The following ADGRV1 variants were observed in gnomAD, a reference collection of about 807,000 sequenced individuals.
The protein encoded by ADGRV1 is adhesion G protein-coupled receptor V1.
Under a neutral mutation model 596.2 loss-of-function variants are expected in ADGRV1, and 359 were observed. The observed-to-expected ratio is 0.60, with a 90% CI of 0.55 to 0.66. The LOEUF (loss-of-function observed/expected upper bound fraction) is 0.66. Ranked by LOEUF, ADGRV1 falls within the 30% of genes least tolerant of loss-of-function variation. ADGRV1 has a pLI of 0.00. For missense variants in ADGRV1, 7,274 were observed against 7,575.6 expected, an observed-to-expected ratio of 0.96 and a Z score of 1.48; for synonymous variants, 2,681 against 2,679.2, an observed-to-expected ratio of 1.00 and a Z score of -0.02.
intron 58 of ADGRV1, chr5:90,762,998 G>C (rs186409805): frequency 2.5e-5 from 5 of 200,614 alleles, no homozygotes; most frequent in African/African-American, 1.2e-4. Flanking sequence ...GAGGATGTGG[G>C]GTCTTGTGTG....
intron 59 of ADGRV1, among the ~76,000 whole-genome samples, chr5:90,767,188 A>G (rs1757235314): frequency 6.6e-6 from 1 of 152,222 alleles, no homozygotes; most frequent in Non-Finnish European, 1.5e-5. Flanking sequence ...AGTTAAAGTA[A>G]ATAAGGCAGT....
chr5:90,807,913 A>G (rs894360430), intron 73 of ADGRV1, among the ~76,000 whole-genome samples, 176 bp downstream of exon 73: 2 of 152,190 alleles, frequency 1.3e-5, no homozygotes, highest in Non-Finnish European at 2.9e-5. Context: ...TAGGAGCCCC[A>G]CCACCCACTG....
At chr5:90,784,126 A>T (rs1463499312) in intron 67 of ADGRV1, 69 bp downstream of exon 67, 5 of 958,620 alleles carry the variant, frequency 5.2e-6, no homozygotes, top group Non-Finnish European at 7.7e-6. Context: ...GTGTTTTCTC[A>T]TTGCCCAAGT....
intron 86 of ADGRV1, among the ~76,000 whole-genome samples, chr5:91,083,257 G>A (rs1342750987): frequency 1.3e-5 from 2 of 151,650 alleles, no homozygotes; most frequent in Admixed American, 1.3e-4. Context: ...AGGGGGGATG[G>A]GGGAGGGATA....
intron 59 of ADGRV1, among the ~76,000 whole-genome samples, chr5:90,767,446 T>C (rs1336613498): frequency 6.6e-6 from 1 of 152,050 alleles, no homozygotes; most frequent in Non-Finnish European, 1.5e-5. Context: ...AAGGAAATAA[T>C]TATTAAAAGA....
chr5:90,911,051 A>T (rs1042064611), intron 83 of ADGRV1, among the ~76,000 whole-genome samples: 1 of 152,218 alleles, frequency 6.6e-6, no homozygotes, highest in Non-Finnish European at 1.5e-5. Flanking sequence ...CTTATTTAAT[A>T]TTAAAAAACA....
intron 87 of ADGRV1, among the ~76,000 whole-genome samples, chr5:91,134,400 G>A (rs763988685): frequency 6.6e-6 from 1 of 152,058 alleles, no homozygotes; most frequent in African/African-American, 2.4e-5. Flanking sequence ...TGTTGCCCAT[G>A]CTGGCCTCAC....
At chr5:90,824,105 T>A (rs2443081) in intron 76 of ADGRV1, among the ~76,000 whole-genome samples, 148,114 of 152,298 alleles carry the variant, frequency 0.97, 72,134 homozygotes, top group East Asian at 1. Flanking sequence ...TTTTTTATAT[T>A]ACAATAACAT....
At chr5:90,826,712 A>T (rs1193948223) in intron 76 of ADGRV1, among the ~76,000 whole-genome samples, 3 of 152,196 alleles carry the variant, frequency 2.0e-5, no homozygotes, top group African/African-American at 4.8e-5. Context: ...AGAGTTACAG[A>T]TATTGCAGAC....
intron 72 of ADGRV1, among the ~76,000 whole-genome samples, chr5:90,806,355 A>G (rs1036844211): frequency 1.3e-5 from 2 of 152,230 alleles, no homozygotes; most frequent in South Asian, 4.1e-4. Flanking sequence ...TAGCCACTGC[A>G]TAGGTGCCCC....
intron 1 of ADGRV1, among the ~76,000 whole-genome samples, chr5:90,613,875 G>C (rs1763015460): frequency 6.6e-6 from 1 of 152,048 alleles, no homozygotes; most frequent in African/African-American, 2.4e-5. Flanking sequence ...TCTTGGCCAA[G>C]GTAAAGATTA....
chr5:90,772,879 CATTGAGTCTG>C (rs1757839364), intron 59 of ADGRV1, among the ~76,000 whole-genome samples: 1 of 152,036 alleles, frequency 6.6e-6, no homozygotes, highest in Non-Finnish European at 1.5e-5. Flanking sequence ...GAAAATAATA[CATTGAGTCTG>C]ATAGCGGTGG....
intron 34 of ADGRV1, 148 bp downstream of exon 34, chr5:90,697,294 G>A: frequency 1.4e-6 from 1 of 707,736 alleles, no homozygotes. Flanking sequence ...TTTGGGAGAA[G>A]GCTTTATAAT....
intron 1 of ADGRV1, among the ~76,000 whole-genome samples, chr5:90,608,570 CAATT>C (rs1450188444): frequency 6.6e-6 from 1 of 152,078 alleles, no homozygotes; most frequent in Non-Finnish European, 1.5e-5. Flanking sequence ...ATTCTATACT[CAATT>C]AAACCTTTAG....
chr5:90,712,039 C>T (rs1340901193), intron 41 of ADGRV1, among the ~76,000 whole-genome samples: 4 of 152,172 alleles, frequency 2.6e-5, no homozygotes, highest in African/African-American at 4.8e-5. Context: ...CAGCCCGCCT[C>T]GGCCTCACAT....
intron 70 of ADGRV1, chr5:90,792,626 C>T (rs1362422885): frequency 6.6e-6 from 1 of 152,110 alleles, no homozygotes; most frequent in East Asian, 1.9e-4. Flanking sequence ...TAGTTAAGTT[C>T]CTACAGCATA....
At chr5:90,897,248 A>G (rs889987520) in intron 83 of ADGRV1, among the ~76,000 whole-genome samples, 2 of 152,242 alleles carry the variant, frequency 1.3e-5, no homozygotes, top group African/African-American at 4.8e-5. Context: ...GATTTAGTTC[A>G]AATAAAAATA....
chr5:90,664,154 T>G (rs1165308273), intron 21 of ADGRV1, among the ~76,000 whole-genome samples: 7 of 146,650 alleles, frequency 4.8e-5, no homozygotes, highest in Non-Finnish European at 3.0e-5. Context: ...GTGAAGAAAG[T>G]CATTGGTAGC....
chr5:90,788,222 T>C lies in ADGRV1; in HGVS notation c.13805T>C (p.Ile4602Thr), dbSNP rs1759690637. 6.2e-7 allele frequency: 1 copy of C among 1,613,508 alleles called. No individual in the cohort carries two copies. The highest frequency in any genetic ancestry group is 8.5e-7 in the Non-Finnish European group (1 of 1,179,504). ...IILTIYPHEEIEVEETFIIKL... is the reference protein window; with the variant it reads ...IILTIYPHEETEVEETFIIKL... ...CTGACAATCTATCCTCATGAAGAAA[T>C]TGAAGTTGAAGAGACATTCATTATT... The change falls in exon 68 of 90, where the codon ATT (isoleucine) becomes ACT (threonine). Residue 4602 changes from isoleucine to threonine, a missense_variant. Ile to Thr is a moderately conservative substitution (Grantham distance 89). Transcript: ENST00000405460.
Sources: gnomAD v4.1 joint callset for allele counts (sites outside exome capture counted in the v4.1 genomes callset) on GRCh38, gnomAD v4.1.1 for gene constraint, MANE v1.5 for transcripts, NCBI Gene and HGNC (gene_info 2026-07-23, HGNC 2026-07-21) for gene names.